Variants in NECAB1 observed in about 807,000 individuals in gnomAD.
The protein encoded by NECAB1 is N-terminal EF-hand calcium-binding protein 1.
In NECAB1, 29 loss-of-function variants were observed where a neutral mutation model predicts 57.5. The ratio of observed to expected loss-of-function variants is 0.50; its 90% confidence interval spans 0.38 to 0.69. NECAB1 has a LOEUF of 0.69. NECAB1 is among the 30% of genes least tolerant of loss of function. The pLI is 0.00. For synonymous variants in NECAB1, 142 were observed against 147.7 expected (o/e 0.96, Z 0.28); for missense variants, 372 against 413.8 (o/e 0.90, Z 0.88).
chr8:90,822,600 ATGC>A (rs1392487137), intron 2 of NECAB1, among the ~76,000 whole-genome samples: 3 of 151,784 alleles, frequency 2.0e-5, no homozygotes, highest in African/African-American at 7.3e-5. Context: ...TTATTAATCG[ATGC>A]TTTTATTTGA....
rs529563660 is a variant in NECAB1 at position 90,838,501 on chromosome 8, T to C, written c.233+13676T>C. On this transcript the variant is annotated intron_variant, in intron 3 of 12. Transcript: ENST00000417640. Reference sequence around the variant, plus strand: ...CTATTCTGGCAGTTCAGGCACCAAGTAGGCACCAGCCTTGGACAGTATGCT... The same window carrying C: ...CTATTCTGGCAGTTCAGGCACCAAGCAGGCACCAGCCTTGGACAGTATGCT... Among the ~76,000 whole-genome samples, 27 of 152,336 alleles carry C rather than the reference T, an allele frequency of 1.8e-4. No individual in the cohort carries two copies. The South Asian group carries it at 5.6e-3, about 32-fold the overall frequency.
chr8:90,883,277 CA>C, intron 5 of NECAB1, among the ~76,000 whole-genome samples: 1 of 152,094 alleles, frequency 6.6e-6, no homozygotes, highest in Middle Eastern at 3.4e-3. Context: ...AAGAAATAGT[CA>C]AAATTAAAAT....
chr8:90,921,300 C>A (rs1449986545), intron 6 of NECAB1, among the ~76,000 whole-genome samples: 7 of 151,994 alleles, frequency 4.6e-5, no homozygotes, highest in Non-Finnish European at 8.8e-5. Context: ...CAGGCTTGAA[C>A]CACCACTCCC....
intron 3 of NECAB1, among the ~76,000 whole-genome samples, chr8:90,860,540 A>G (rs1812882727): frequency 6.6e-6 from 1 of 152,172 alleles, no homozygotes; most frequent in South Asian, 2.1e-4. Context: ...GAGGGTTTCA[A>G]GGATAGATTT....
At chr8:90,901,495 G>A (rs1809502463) in intron 5 of NECAB1, among the ~76,000 whole-genome samples, 2 of 152,150 alleles carry the variant, frequency 1.3e-5, no homozygotes, top group Admixed American at 1.3e-4. Context: ...CGTGTTTTGT[G>A]CTTTAAACAT....
intron 2 of NECAB1, among the ~76,000 whole-genome samples, 170 bp downstream of exon 2, chr8:90,801,885 A>G (rs1811764372): frequency 1.3e-5 from 2 of 152,228 alleles, no homozygotes; most frequent in African/African-American, 4.8e-5. Flanking sequence ...ATTCATAAGA[A>G]GTTGGCAGAA....
intron 3 of NECAB1, among the ~76,000 whole-genome samples, chr8:90,859,820 A>G (rs114777364): frequency 1.2e-3 from 184 of 152,248 alleles, no homozygotes; most frequent in African/African-American, 4.2e-3. Flanking sequence ...TATATTTAAT[A>G]TATCTTTTTT....
intron 3 of NECAB1, among the ~76,000 whole-genome samples, chr8:90,856,627 T>C (rs547637055): frequency 4.6e-5 from 7 of 152,332 alleles, no homozygotes; most frequent in African/African-American, 1.4e-4. Context: ...TGAATTTTAT[T>C]TGGAACGTGT....
chr8:90,916,485 A>G (rs576545005), intron 5 of NECAB1, among the ~76,000 whole-genome samples: 83 of 152,296 alleles, frequency 5.4e-4, no homozygotes, highest in African/African-American at 1.8e-3. Flanking sequence ...GATCCGTGGT[A>G]TTGTGTTATC....
chr8:90,846,179 G>A (rs4416793), intron 3 of NECAB1, among the ~76,000 whole-genome samples: 46,092 of 152,038 alleles, frequency 0.3, 8,012 homozygotes, highest in East Asian at 0.73. Context: ...TTACCTTTCC[G>A]AACCAAACTG....
chr8:90,840,553 G>A (rs1190982753), intron 3 of NECAB1, among the ~76,000 whole-genome samples: 6 of 152,176 alleles, frequency 3.9e-5, no homozygotes, highest in Non-Finnish European at 5.9e-5. Context: ...GGCCCTGGCC[G>A]AGCAAATTTT....
chr8:90,918,623 T>C (rs539331890), intron 6 of NECAB1, among the ~76,000 whole-genome samples: 2 of 152,116 alleles, frequency 1.3e-5, no homozygotes, highest in Non-Finnish European at 2.9e-5. Context: ...AAGAGATCAG[T>C]GAAAAAGCCT....
At chr8:90,928,362 C>A in intron 8 of NECAB1, 63 bp downstream of exon 8, 1 of 1,273,208 alleles carries the variant, frequency 7.9e-7, no homozygotes, top group Non-Finnish European at 1.1e-6. Context: ...CTAATATTCC[C>A]CATTGCTTTA....
intron 6 of NECAB1, among the ~76,000 whole-genome samples, chr8:90,921,102 C>T (rs1050782134): frequency 2.0e-5 from 3 of 152,148 alleles, no homozygotes; most frequent in Admixed American, 6.5e-5. Flanking sequence ...CTGCAACTTC[C>T]GCTTCCCGGG....
At chr8:90,916,360 T>C (rs774592592) in intron 5 of NECAB1, among the ~76,000 whole-genome samples, 2 of 152,198 alleles carry the variant, frequency 1.3e-5, no homozygotes, top group Admixed American at 6.5e-5. Context: ...TTGGAATGTA[T>C]GCCAGAGTTA....
chr8:90,897,651 T>C (rs546874499), intron 5 of NECAB1, among the ~76,000 whole-genome samples: 8 of 152,204 alleles, frequency 5.3e-5, no homozygotes, highest in Non-Finnish European at 1.0e-4. Context: ...CAAAAAACTA[T>C]CAATTCTTTG....
chr8:90,869,167 G>A (rs776476436), intron 3 of NECAB1, among the ~76,000 whole-genome samples: 8 of 152,242 alleles, frequency 5.3e-5, no homozygotes, highest in Non-Finnish European at 7.3e-5. Flanking sequence ...AGGGTTGGGA[G>A]CTTCTGCCTA....
At position 90,926,245 on chromosome 8, in the gene NECAB1, T is replaced by C. The variant is rs59315975; in HGVS notation, c.616+589T>C. Among the ~76,000 whole-genome samples the C allele has an allele frequency of 2.6e-5, 4 of 152,322 alleles. No individual in the cohort carries two copies. The East Asian group carries it at 7.7e-4, about 29-fold the overall frequency. On this transcript the variant is annotated intron_variant, in intron 7 of 12. Transcript: ENST00000417640. Reference sequence around the variant, plus strand: ...GAGTAATTTTTATAAAGCATGCATATATACATGCACATATGTCACTTGAAC... The same window carrying C: ...GAGTAATTTTTATAAAGCATGCATACATACATGCACATATGTCACTTGAAC...
rs192377324 is a variant in NECAB1 at position 90,836,703 on chromosome 8, C to T, written c.233+11878C>T. Among the ~76,000 whole-genome samples, 361 of 152,276 alleles carry T rather than the reference C, an allele frequency of 2.4e-3. 1 individual carries two copies. The highest frequency in any genetic ancestry group is 4.0e-3 in the Non-Finnish European group (271 of 68,008). ...TTTGTCAGACTTGACAACCATTATT[C>T]TAGTTGAGTTTGCAGCTTCCAAAAA... On this transcript the variant is annotated intron_variant, in intron 3 of 12. Coordinates refer to ENST00000417640, the MANE Select transcript of NECAB1 (RefSeq NM_022351.5).
Sources: gnomAD v4.1 joint callset for allele counts (sites outside exome capture counted in the v4.1 genomes callset) on GRCh38, gnomAD v4.1.1 for gene constraint, MANE v1.5 for transcripts, NCBI Gene and HGNC (gene_info 2026-07-23, HGNC 2026-07-21) for gene names.